CACNA1H: variants seen among roughly 807,000 people sequenced by gnomAD.
CACNA1H encodes the protein voltage-dependent T-type calcium channel subunit alpha-1H.
CACNA1H carries 149 observed loss-of-function variants against 192.5 expected under a neutral mutation model. That is an observed-to-expected ratio of 0.77 (90% confidence interval 0.68 to 0.89). CACNA1H has a LOEUF of 0.89. Among genes scored for constraint, CACNA1H ranks in the 40% least tolerant of loss-of-function variants. The pLI, the probability that CACNA1H is intolerant of heterozygous loss-of-function variation, is 0.00. For synonymous variants in CACNA1H, 2,202 were observed against 1,475.2 expected, an observed-to-expected ratio of 1.49 and a Z score of -11.29; for missense variants, 4,257 against 3,423.5, an observed-to-expected ratio of 1.24 and a Z score of -6.08.
chr16:1,193,724 C>T (rs1293584607), intron 2 of CACNA1H, among the ~76,000 whole-genome samples: 1 of 152,176 alleles, frequency 6.6e-6, no homozygotes, highest in African/African-American at 2.4e-5. Flanking sequence ...ACATTGGTGG[C>T]CTGGAGCCGT....
In CACNA1H at chr16:1,153,459, C is replaced by A. The variant is rs1239269698; in HGVS notation, c.-30C>A. ...CGATGCCCGCGGGGACGCCGCCGGCCAGCAGAGCGAGGTGAGACGCGGCGA... is the reference window on the plus strand; with the variant it reads ...CGATGCCCGCGGGGACGCCGCCGGCAAGCAGAGCGAGGTGAGACGCGGCGA... On this transcript the variant is annotated 5_prime_UTR_variant, in exon 1 of 35. Coordinates refer to ENST00000348261, the MANE Select transcript of CACNA1H (RefSeq NM_021098.3). 1 of 182,500 alleles carries A rather than the reference C, an allele frequency of 5.5e-6. No homozygotes were observed. The allele number at this position is 182,500 out of a possible 1,614,324, so 11.3% of individuals were successfully genotyped here.
At position 1,186,796 on chromosome 16, in the gene CACNA1H, T is replaced by A. The variant is rs117587255; in HGVS notation, c.300-8176T>A. The stretch of plus-strand genomic sequence containing the variant: ...ATTCTGCCCTTCTAGCTCTTCTGTA[T>A]ACAAGCAGTGCGCCCTGGTTCTCAG... On this transcript the variant is annotated intron_variant, in intron 2 of 34. Coordinates refer to ENST00000348261, the MANE Select transcript of CACNA1H (RefSeq NM_021098.3). Among the ~76,000 whole-genome samples, 740 of 152,296 alleles carry A rather than the reference T, an allele frequency of 4.9e-3. 8 individuals are homozygous for A. Among genetic ancestry groups the A allele is most frequent in the East Asian group, 0.036 (189 of 5,182 alleles).
At chr16:1,207,523 G>T in intron 14 of CACNA1H, 93 bp downstream of exon 14, 1 of 1,351,054 alleles carries the variant, frequency 7.4e-7, no homozygotes, top group South Asian at 1.3e-5. Flanking sequence ...GGCCTGCCAA[G>T]AGGTGAGGGA....
chr16:1,216,564 C>T (rs868547690), intron 30 of CACNA1H, among the ~76,000 whole-genome samples: 3 of 152,238 alleles, frequency 2.0e-5, no homozygotes, highest in Non-Finnish European at 2.9e-5. Context: ...CTGAACAGGG[C>T]GGGCCAGAGC....
In CACNA1H at chr16:1,200,753, A is replaced by G; in HGVS notation, c.1157A>G (p.Tyr386Cys). ...TLEGWVDIMY[Y>C]VMDAHSFYNF... ...GAAGGCTGGGTGGACATCATGTACT[A>G]CGTCATGGACGCCCACTCATTCTAC... Residue 386 changes from tyrosine to cysteine, a missense_variant, in exon 8 of 35, where the codon TAC becomes TGC. Coordinates refer to ENST00000348261, the MANE Select transcript of CACNA1H (RefSeq NM_021098.3). 1.9e-6 allele frequency: 3 copies of G among 1,557,670 alleles called. No individual in the cohort carries two copies. The highest frequency in any genetic ancestry group is 1.7e-6 in the Non-Finnish European group (2 of 1,150,754).
In CACNA1H at chr16:1,199,029, C is replaced by T. The variant is rs1206743872; in HGVS notation, c.803+255C>T. The T allele has an allele frequency of 1.1e-5, 5 of 464,654 alleles. No homozygotes were observed. In the South Asian group the frequency reaches 1.2e-4, roughly 11 times the overall value. 28.8% of individuals were successfully genotyped at this position (464,654 alleles called of 1,614,324 possible). A position where few individuals can be genotyped will look rare whatever the true frequency, so the allele number is the denominator to read the frequency against. ...TGCAGTCGCTGCACATATGCCCCAC[C>T]CCCCACCATGGCTCCGCCCACCGCG... On this transcript the variant is annotated intron_variant, in intron 6 of 34. Coordinates refer to ENST00000348261, the MANE Select transcript of CACNA1H (RefSeq NM_021098.3).
chr16:1,155,040 G>C (rs913461331), intron 2 of CACNA1H, among the ~76,000 whole-genome samples: 2 of 152,234 alleles, frequency 1.3e-5, no homozygotes, highest in Non-Finnish European at 2.9e-5. Flanking sequence ...GAGGTGGGGA[G>C]ACAGGCTGGC....
In CACNA1H at chr16:1,201,874, G is replaced by A. The variant is rs1413707925; in HGVS notation, c.1424G>A (p.Ser475Asn). Reference sequence around the variant, plus strand: ...ATATTCCGCAAGGTCAAGCGGCGCAGCTTGCGCCTCTACGCCCGCTGGCAG... The same window carrying A: ...ATATTCCGCAAGGTCAAGCGGCGCAACTTGCGCCTCTACGCCCGCTGGCAG... ...GHIFRKVKRR[S>N]LRLYARWQSR... Residue 475 changes from serine (S) to asparagine (N), a missense_variant, in exon 9 of 35, where the codon AGC (serine) becomes AAC (asparagine). Transcript: ENST00000348261. The A allele has an allele frequency of 1.3e-6, 2 of 1,554,948 alleles. No homozygotes were observed. Among genetic ancestry groups the A allele is most frequent in the South Asian group, 1.2e-5 (1 of 84,380 alleles).
intron 2 of CACNA1H, among the ~76,000 whole-genome samples, chr16:1,185,150 C>T (rs916886518): frequency 6.6e-6 from 1 of 152,202 alleles, no homozygotes; most frequent in African/African-American, 2.4e-5. Flanking sequence ...GCATCATGTT[C>T]CCGGGTTCAC....
intron 31 of CACNA1H, among the ~76,000 whole-genome samples, chr16:1,217,550 G>A (rs559561518): frequency 1.3e-5 from 2 of 152,226 alleles, no homozygotes; most frequent in African/African-American, 2.4e-5. Context: ...GCCCTGTCCC[G>A]ACGGTGGGTG....
At chr16:1,164,695 C>T (rs751917388) in intron 2 of CACNA1H, among the ~76,000 whole-genome samples, 2 of 152,232 alleles carry the variant, frequency 1.3e-5, no homozygotes, top group Admixed American at 1.3e-4. Flanking sequence ...CCCTTCGGAT[C>T]TCCCTTCTGT....
rs748098764 is a variant in CACNA1H, at chr16:1,195,103, G to T, written c.411+20G>T. 1.3e-6 allele frequency: 2 copies of T among 1,527,376 alleles called. No homozygotes were observed. The highest frequency in any genetic ancestry group is 1.7e-5 in the Admixed American group (1 of 59,436). 94.6% of individuals were successfully genotyped at this position (1,527,376 alleles called of 1,614,324 possible). ...CTGGAGGTGAGGGGCGTGGGTCGGG[G>T]TGGGGAAGGAGCGTGGGTCGCTACG... is the stretch of plus-strand genomic sequence containing the variant. On this transcript the variant is annotated intron_variant, in intron 3 of 34. Coordinates refer to ENST00000348261, the MANE Select transcript of CACNA1H (RefSeq NM_021098.3).
At chr16:1,217,039 C>A in intron 31 of CACNA1H, 29 bp downstream of exon 31, 3 of 1,554,710 alleles carry the variant, frequency 1.9e-6, no homozygotes, top group South Asian at 2.3e-5. Flanking sequence ...CTCCTCCTGG[C>A]ACACATGGGG....
rs201296407 is a variant in CACNA1H at position 1,213,806 on chromosome 16, G to A, written c.4804G>A (p.Asp1602Asn). 1.1e-5 allele frequency: 17 copies of A among 1,574,218 alleles called. No individual in the cohort carries two copies. Among genetic ancestry groups the A allele is most frequent in the Admixed American group, 7.5e-5 (4 of 53,522 alleles). ...PEAQRRPYYA[D>N]YSPTRRSIHS... ...GGCCCAGCGCCGGCCCTACTATGCC[G>A]ACTACTCGCCCACGCGCCGCTCCAT... The change falls in exon 27 of 35, where the codon GAC becomes AAC. Residue 1602 changes from aspartate to asparagine, a missense_variant. Asp to Asn is a conservative substitution (Grantham distance 23). Transcript: ENST00000348261.
chr16:1,171,390 G>C (rs1964354165), intron 2 of CACNA1H, among the ~76,000 whole-genome samples: 1 of 152,188 alleles, frequency 6.6e-6, no homozygotes, highest in African/African-American at 2.4e-5. Context: ...TCCTTAGAAA[G>C]TCACTGGGTT....
At chr16:1,154,551 G>A (rs1000466150) in intron 2 of CACNA1H, among the ~76,000 whole-genome samples, 1 of 152,092 alleles carries the variant, frequency 6.6e-6, no homozygotes, top group Non-Finnish European at 1.5e-5. Flanking sequence ...TGTGAGCGCC[G>A]CCAGGGCCTT....
chr16:1,200,931 G>A lies in CACNA1H; in HGVS notation c.1212+123G>A, dbSNP rs1322553752. On this transcript the variant is annotated intron_variant, in intron 8 of 34. Coordinates refer to ENST00000348261, the MANE Select transcript of CACNA1H (RefSeq NM_021098.3). ...CTTCCAGCTGAAGGGAGCACACAGG[G>A]GAGGGAGGCAGAGCTTGCGGGGGTG... The A allele has an allele frequency of 1.2e-5, 9 of 760,308 alleles. No individual in the cohort carries two copies. In the East Asian group the frequency reaches 2.4e-4, roughly 21 times the overall value. 47.1% of individuals were successfully genotyped at this position (760,308 alleles called of 1,614,324 possible). A position where few individuals can be genotyped will look rare whatever the true frequency, so the allele number is the denominator to read the frequency against.
intron 2 of CACNA1H, among the ~76,000 whole-genome samples, chr16:1,161,338 G>A (rs1306749066): frequency 1.3e-5 from 2 of 152,228 alleles, no homozygotes; most frequent in East Asian, 3.9e-4. Context: ...TTGACCGCCA[G>A]GCCGCCCTGT....
intron 2 of CACNA1H, among the ~76,000 whole-genome samples, chr16:1,182,052 T>G (rs751304549): frequency 7.7e-4 from 118 of 152,270 alleles, no homozygotes; most frequent in Non-Finnish European, 1.3e-3. Context: ...CCCACACAGA[T>G]GGACACAACG....
Sources: gnomAD v4.1 joint callset for allele counts (sites outside exome capture counted in the v4.1 genomes callset) on GRCh38, gnomAD v4.1.1 for gene constraint, MANE v1.5 for transcripts, NCBI Gene and HGNC (gene_info 2026-07-23, HGNC 2026-07-21) for gene names.